Variants in DIAPH2 observed in about 807,000 individuals in gnomAD.
The protein encoded by DIAPH2 is diaphanous related formin 2.
Under a neutral mutation model 92.7 loss-of-function variants are expected in DIAPH2, and 35 were observed. The ratio of observed to expected loss-of-function variants is 0.38; its 90% CI spans 0.29 to 0.50. The LOEUF is 0.50. Ranked by LOEUF, DIAPH2 falls within the 20% of genes least tolerant of loss-of-function variation. The probability of loss-of-function intolerance (pLI) is 0.94; values close to 1 mark genes in which losing one functional copy is unlikely to be tolerated. For synonymous variants in DIAPH2, 301 were observed against 280.4 expected (o/e 1.07, Z -0.73); for missense variants, 701 against 819.5 (o/e 0.86, Z 1.77).
intron 17 of DIAPH2, among the ~76,000 whole-genome samples, chrX:96,977,660 A>G (rs1240134527): frequency 1.8e-5 from 2 of 111,029 alleles, no homozygotes; most frequent in African/African-American, 6.5e-5. Flanking sequence ...CATATTTGGA[A>G]TCATTATTCT....
chrX:96,949,358 G>T (rs1291499717), intron 15 of DIAPH2, among the ~76,000 whole-genome samples: 1 of 110,816 alleles, frequency 9.0e-6, no homozygotes, highest in East Asian at 2.8e-4. Flanking sequence ...CAAAAAGAAT[G>T]TAGAAATAGT....
rs1442073841 is a variant in DIAPH2, at chrX:97,449,844, A to G, written c.3241+20099A>G. ...TGCTTATGAAAATACTCAGCATTGAATAATGCTGTATGTCTTACATTCTAC... is the reference window on the plus strand; with the variant it reads ...TGCTTATGAAAATACTCAGCATTGAGTAATGCTGTATGTCTTACATTCTAC... On this transcript the variant is annotated intron_variant, in intron 26 of 26. Coordinates refer to ENST00000324765, the MANE Select transcript of DIAPH2 (RefSeq NM_006729.5). 4.5e-5 allele frequency among the ~76,000 whole-genome samples: 5 copies of G among 111,807 alleles called. No individual in the cohort carries two copies. In the Admixed American group the frequency reaches 4.8e-4, roughly 11 times the overall value.
intron 23 of DIAPH2, among the ~76,000 whole-genome samples, chrX:97,276,964 G>T (rs2068456529): frequency 1.8e-5 from 2 of 112,360 alleles, no homozygotes; most frequent in Admixed American, 1.9e-4. Context: ...TGATCATCTA[G>T]AACTGTTTCT....
At chrX:97,510,260 T>C (rs2070876469) in intron 26 of DIAPH2, among the ~76,000 whole-genome samples, 1 of 111,445 alleles carries the variant, frequency 9.0e-6, no homozygotes, top group Non-Finnish European at 1.9e-5. Flanking sequence ...TGATGGCCAG[T>C]GATGATGAGC....
intron 26 of DIAPH2, among the ~76,000 whole-genome samples, chrX:97,580,670 G>A (rs1274544274): frequency 2.9e-5 from 3 of 103,684 alleles, no homozygotes; most frequent in African/African-American, 1.1e-4. Flanking sequence ...GTATCAGAAT[G>A]ATACTGGCCT....
chrX:97,588,974 C>T (rs1397972969), intron 26 of DIAPH2, among the ~76,000 whole-genome samples: 2 of 50,813 alleles, frequency 3.9e-5, no homozygotes, highest in Non-Finnish European at 8.0e-5. Context: ...ATGCTCAATG[C>T]CAAAAATTCA....
intron 4 of DIAPH2, among the ~76,000 whole-genome samples, chrX:96,786,071 A>G (rs908718351): frequency 4.5e-5 from 5 of 111,916 alleles, no homozygotes; most frequent in Non-Finnish European, 9.4e-5. Context: ...TCACAAGGTT[A>G]AGGACACCTG....
At chrX:96,818,829 C>G (rs1353402034) in intron 4 of DIAPH2, among the ~76,000 whole-genome samples, 6 of 112,456 alleles carry the variant, frequency 5.3e-5, no homozygotes, top group Non-Finnish European at 1.1e-4. Context: ...GCAATGGTCC[C>G]CCAACTTTTT....
chrX:97,137,621 G>A (rs2067182245), intron 21 of DIAPH2, among the ~76,000 whole-genome samples: 1 of 110,116 alleles, frequency 9.1e-6, no homozygotes, highest in Non-Finnish European at 1.9e-5. Flanking sequence ...TTTTCTTGGC[G>A]GATAAAAAGG....
chrX:97,142,211 A>C (rs2067212992), intron 22 of DIAPH2, among the ~76,000 whole-genome samples: 1 of 111,868 alleles, frequency 8.9e-6, no homozygotes, highest in Admixed American at 9.6e-5. Flanking sequence ...CAAATGTGTT[A>C]TAAAATAAGG....
At chrX:96,946,034 T>C (rs1407161157) in intron 14 of DIAPH2, among the ~76,000 whole-genome samples, 1 of 111,818 alleles carries the variant, frequency 8.9e-6, no homozygotes, top group Non-Finnish European at 1.9e-5. Context: ...GTGTTTTCTC[T>C]CTTTCTCACT....
chrX:97,389,136 A>T (rs755850841), intron 25 of DIAPH2, among the ~76,000 whole-genome samples: 2 of 110,932 alleles, frequency 1.8e-5, no homozygotes, highest in Admixed American at 9.5e-5. Flanking sequence ...ACACTCCAGC[A>T]TTGCTGGAGT....
intron 17 of DIAPH2, among the ~76,000 whole-genome samples, chrX:96,984,093 C>T (rs1227388697): frequency 9.0e-6 from 1 of 111,681 alleles, no homozygotes; most frequent in Admixed American, 9.6e-5. Flanking sequence ...TATGTAGCTT[C>T]TTTCAGTTAT....
chrX:97,283,942 C>CA (rs781541160), intron 23 of DIAPH2, among the ~76,000 whole-genome samples: 15 of 110,952 alleles, frequency 1.4e-4, no homozygotes, highest in African/African-American at 3.6e-4. Flanking sequence ...AACTCCATCT[C>CA]AAAAAAAATA....
chrX:96,864,084 A>G (rs2065089180), intron 4 of DIAPH2, among the ~76,000 whole-genome samples: 1 of 111,277 alleles, frequency 9.0e-6, no homozygotes, highest in Non-Finnish European at 1.9e-5. Context: ...TAATGGCTGC[A>G]TAATATTCCA....
At chrX:96,994,674 G>C (rs1255750370) in intron 17 of DIAPH2, among the ~76,000 whole-genome samples, 2 of 111,590 alleles carry the variant, frequency 1.8e-5, no homozygotes, top group Non-Finnish European at 3.8e-5. Context: ...CATGGCTGGG[G>C]AGGCCTCAGG....
At chrX:96,794,467 A>C (rs950558347) in intron 4 of DIAPH2, among the ~76,000 whole-genome samples, 1 of 106,982 alleles carries the variant, frequency 9.3e-6, no homozygotes, top group African/African-American at 3.4e-5. Flanking sequence ...GACCATTTCA[A>C]CTCCGCTAGG....
chrX:97,110,583 G>A (rs191680785), intron 20 of DIAPH2, among the ~76,000 whole-genome samples: 99 of 111,524 alleles, frequency 8.9e-4, no homozygotes, highest in African/African-American at 3.1e-3. Context: ...TAAAATATTG[G>A]TAAGGATTGG....
intron 23 of DIAPH2, among the ~76,000 whole-genome samples, chrX:97,253,339 TA>T (rs1213406986): frequency 1.4e-5 from 1 of 73,290 alleles, no homozygotes; most frequent in Non-Finnish European, 2.8e-5. Context: ...GAGTGCTTTT[TA>T]AAAAAGTAAG....
Sources: gnomAD v4.1 joint callset for allele counts (sites outside exome capture counted in the v4.1 genomes callset) on GRCh38, gnomAD v4.1.1 for gene constraint, MANE v1.5 for transcripts, NCBI Gene and HGNC (gene_info 2026-07-23, HGNC 2026-07-21) for gene names.